The following GAN variants were observed in gnomAD, a reference collection of about 807,000 sequenced individuals.
The protein encoded by GAN is gigaxonin.
GAN carries 48 observed loss-of-function variants against 71.3 expected under a neutral mutation model. That is an observed-to-expected ratio of 0.67 (90% CI 0.53 to 0.86). The LOEUF is 0.86. Among genes scored for constraint, GAN ranks in the 40% least tolerant of loss-of-function variants. GAN has a pLI of 0.00. For missense variants in GAN, 928 were observed against 770.1 expected (o/e 1.21, Z -2.43); for synonymous variants, 386 against 276.8 (o/e 1.39, Z -3.92).
chr16:81,356,979 G>A lies in GAN; in HGVS notation c.828G>A (p.Val276=), dbSNP rs760927977. The A allele has an allele frequency of 6.2e-7, 1 of 1,609,060 alleles. No homozygotes were observed. The highest frequency in any genetic ancestry group is 8.5e-7 in the Non-Finnish European group (1 of 1,176,088). Residue 276 remains valine (V), a synonymous_variant, in exon 4 of 11, where the codon GTG becomes GTA. Coordinates refer to ENST00000648994, the MANE Select transcript of GAN (RefSeq NM_022041.4). Reference sequence around the variant, plus strand: ...CCCGGGGCTACTCTGAGTGCATCGTGACTGTTGGTGGAGAAGAGAGAGTGT... The same window carrying A: ...CCCGGGGCTACTCTGAGTGCATCGTAACTGTTGGTGGAGAAGAGAGAGTGT... ...FKPRGYSECI[V]TVGGEERVSR...
intron 1 of GAN, among the ~76,000 whole-genome samples, chr16:81,345,392 C>T (rs868710912): frequency 6.6e-5 from 10 of 152,240 alleles, no homozygotes; most frequent in African/African-American, 9.6e-5. Flanking sequence ...GTGGCACATA[C>T]ACACCATGGA....
chr16:81,315,328 CGGAGGCGG>C (rs1193878344), intron 1 of GAN, 48 bp downstream of exon 1: 2 of 1,334,832 alleles, frequency 1.5e-6, no homozygotes, highest in Non-Finnish European at 1.9e-6. Context: ...TGCCCGGAGC[CGGAGGCGG>C]GGCGGCCGGG....
chr16:81,350,121 A>G (rs947521636), intron 1 of GAN, among the ~76,000 whole-genome samples: 1 of 152,160 alleles, frequency 6.6e-6, no homozygotes, highest in African/African-American at 2.4e-5. Context: ...TAAAAAGTTC[A>G]TGTCTGTTAA....
At chr16:81,340,519 C>G (rs186383988) in intron 1 of GAN, among the ~76,000 whole-genome samples, 53 of 152,202 alleles carry the variant, frequency 3.5e-4, no homozygotes, top group African/African-American at 1.3e-3. Context: ...CTCCAGCAAA[C>G]CCCCACAGAC....
chr16:81,325,821 G>T (rs1168231221), intron 1 of GAN, among the ~76,000 whole-genome samples: 9 of 152,226 alleles, frequency 5.9e-5, no homozygotes, highest in Admixed American at 5.9e-4. Context: ...TGTTGAATTT[G>T]AATTAACATT....
chr16:81,330,142 T>G (rs1909525456), intron 1 of GAN, among the ~76,000 whole-genome samples: 2 of 152,248 alleles, frequency 1.3e-5, no homozygotes, highest in Admixed American at 1.3e-4. Flanking sequence ...GTGCCAGCTT[T>G]CATCAGTTCT....
rs561982067 is a variant in GAN at position 81,354,304 on chromosome 16, C to G, written c.283-101C>G. 34 of 806,528 alleles carry G rather than the reference C, an allele frequency of 4.2e-5. No individual in the cohort carries two copies. In the Admixed American group the frequency reaches 5.9e-4, roughly 14 times the overall value. 50.0% of individuals were successfully genotyped at this position (806,528 alleles called of 1,614,324 possible). ...TTGCCAATATTCGATTATCTTTGAT[C>G]TAAAATAAATGGAAATTTCATGTGG... On this transcript the variant is annotated intron_variant, in intron 2 of 10. Coordinates refer to ENST00000648994, the MANE Select transcript of GAN (RefSeq NM_022041.4).
intron 1 of GAN, among the ~76,000 whole-genome samples, chr16:81,326,258 C>G (rs1009032174): frequency 3.9e-5 from 6 of 151,938 alleles, no homozygotes; most frequent in African/African-American, 1.5e-4. Flanking sequence ...TGGCTCAAGC[C>G]TATAATCCCA....
intron 9 of GAN, among the ~76,000 whole-genome samples, chr16:81,375,501 A>AT (rs926785390): frequency 1.6e-4 from 24 of 151,658 alleles, no homozygotes; most frequent in Non-Finnish European, 3.1e-4. Context: ...TAATTTTTGT[A>AT]TTTTTTGTAA....
At chr16:81,359,061 T>C (rs188286411) in intron 5 of GAN, among the ~76,000 whole-genome samples, 2 of 152,308 alleles carry the variant, frequency 1.3e-5, no homozygotes, top group Non-Finnish European at 2.9e-5. Context: ...GGCTCTACCA[T>C]AGTATAGAAG....
intron 1 of GAN, among the ~76,000 whole-genome samples, chr16:81,329,839 C>G (rs1909513605): frequency 6.6e-6 from 1 of 152,180 alleles, no homozygotes; most frequent in African/African-American, 2.4e-5. Flanking sequence ...CCCAGAGAAG[C>G]TACTGCCTTG....
chr16:81,338,116 G>A (rs891650527), intron 1 of GAN, among the ~76,000 whole-genome samples: 42 of 152,058 alleles, frequency 2.8e-4, no homozygotes, highest in African/African-American at 4.3e-4. Flanking sequence ...CAGAAAACGC[G>A]GAACAATGTG....
In GAN at chr16:81,377,676, C is replaced by T; in HGVS notation, c.*80C>T. 8.2e-7 allele frequency: 1 copy of T among 1,213,008 alleles called. No individual in the cohort carries two copies. The highest frequency in any genetic ancestry group is 1.2e-6 in the Non-Finnish European group (1 of 815,850). 75.1% of individuals were successfully genotyped at this position (1,213,008 alleles called of 1,614,324 possible). Reference sequence around the variant, plus strand: ...CCGAAAGGGAGAGCAGAGATGGCAGCTGAAACTCACTCTGTGCTGGGCTTT... The same window carrying T: ...CCGAAAGGGAGAGCAGAGATGGCAGTTGAAACTCACTCTGTGCTGGGCTTT... On this transcript the variant is annotated 3_prime_UTR_variant, in exon 11 of 11. Coordinates refer to ENST00000648994, the MANE Select transcript of GAN (RefSeq NM_022041.4).
chr16:81,377,091 A>G (rs1904283964), intron 9 of GAN, 128 bp from the exon 10 acceptor site: 1 of 770,098 alleles, frequency 1.3e-6, no homozygotes, highest in African/African-American at 1.7e-5. Flanking sequence ...TGGCAGTGGA[A>G]CGTGGGGTCG....
chr16:81,320,382 C>T (rs1413077331), intron 1 of GAN, among the ~76,000 whole-genome samples: 2 of 152,220 alleles, frequency 1.3e-5, no homozygotes, highest in Non-Finnish European at 2.9e-5. Flanking sequence ...ATGTGAATAA[C>T]TGCATAGCCT....
chr16:81,365,899 A>G (rs1910841626), intron 9 of GAN, among the ~76,000 whole-genome samples: 1 of 152,126 alleles, frequency 6.6e-6, no homozygotes, highest in Non-Finnish European at 1.5e-5. Flanking sequence ...AAAAATAAAT[A>G]AACTCCTTAA....
rs1268557199 is a variant in GAN, at chr16:81,386,914, C to G, written c.*9318C>G. On this transcript the variant is annotated 3_prime_UTR_variant, in exon 11 of 11. Coordinates refer to ENST00000648994, the MANE Select transcript of GAN (RefSeq NM_022041.4). The stretch of plus-strand genomic sequence containing the variant: ...TGAGCCGAGATGGTGCCGTTGCACT[C>G]CAGCCGGGCAACAAGGGCTAAACTC... 1 of 151,490 alleles carries G rather than the reference C, an allele frequency of 6.6e-6. No individual in the cohort carries two copies. Among genetic ancestry groups the G allele is most frequent in the Non-Finnish European group, 1.5e-5 (1 of 67,876 alleles). The allele number at this position is 151,490 out of a possible 1,614,324, so 9.4% of individuals were successfully genotyped here. A position where few individuals can be genotyped will look rare whatever the true frequency, so the allele number is the denominator to read the frequency against.
Position 81,365,465 on chromosome 16 carries a change from G to C in GAN, c.1489G>C (p.Asp497His). The C allele has an allele frequency of 6.2e-7, 1 of 1,613,694 alleles. No individual in the cohort carries two copies. The highest frequency in any genetic ancestry group is 1.7e-4 in the Middle Eastern group (1 of 6,060). ...AACTTGCAAGTCCGAGTTCTACCATGATGAGTTTAAAAGGTAACTAAGAAT... is the reference window on the plus strand; with the variant it reads ...AACTTGCAAGTCCGAGTTCTACCATCATGAGTTTAAAAGGTAACTAAGAAT... Reference protein sequence around the residue: ...MVTCKSEFYHDEFKRWIYLND... With the variant: ...MVTCKSEFYHHEFKRWIYLND... The change falls in exon 9 of 11, where the codon GAT (aspartate) becomes CAT (histidine). Residue 497 changes from aspartate to histidine, a missense_variant. Asp to His is a moderately conservative substitution (Grantham distance 81, BLOSUM62 -1). Coordinates refer to ENST00000648994, the MANE Select transcript of GAN (RefSeq NM_022041.4).
At position 81,377,256 on chromosome 16, in the gene GAN, G is replaced by T. The variant is rs761202265; in HGVS notation, c.1540G>T (p.Ala514Ser). 1.2e-6 allele frequency: 2 copies of T among 1,611,300 alleles called. No homozygotes were observed. Among genetic ancestry groups the T allele is most frequent in the Non-Finnish European group, 1.7e-6 (2 of 1,177,530 alleles). Residue 514 changes from alanine to serine, a missense_variant, in exon 10 of 11, where the codon GCC (alanine) becomes TCC (serine). Transcript: ENST00000648994. ...TAACGACCAGAATTTATGCATCCCC[G>T]CCAGTTCCTCTTTTGTTTATGGAGC... ...YLNDQNLCIPASSSFVYGAVP... is the reference protein window; with the variant it reads ...YLNDQNLCIPSSSSFVYGAVP...
Sources: gnomAD v4.1 joint callset for allele counts (sites outside exome capture counted in the v4.1 genomes callset) on GRCh38, gnomAD v4.1.1 for gene constraint, MANE v1.5 for transcripts, NCBI Gene and HGNC (gene_info 2026-07-23, HGNC 2026-07-21) for gene names.